FBN1: variants seen among roughly 807,000 people sequenced by gnomAD.
FBN1 encodes fibrillin 1.
A neutral mutation model predicts 365.1 loss-of-function variants in FBN1; 29 were observed. The observed-to-expected ratio is 0.08, with a 90% CI of 0.06 to 0.11. The LOEUF is 0.11. Among genes scored for constraint, FBN1 ranks in the 10% least tolerant of loss-of-function variants. FBN1 has a pLI of 1.00. For synonymous variants in FBN1, 1,210 were observed against 1,270.5 expected, an observed-to-expected ratio of 0.95 and a Z score of 1.01; for missense variants, 2,476 against 3,703.2, an observed-to-expected ratio of 0.67 and a Z score of 8.60.
intron 6 of FBN1, among the ~76,000 whole-genome samples, chr15:48,548,719 T>A (rs969835517): frequency 2.0e-5 from 3 of 152,234 alleles, no homozygotes; most frequent in African/African-American, 7.2e-5. Context: ...TAGAAAATAA[T>A]AAGAGACAGC....
intron 50 of FBN1, among the ~76,000 whole-genome samples, chr15:48,438,727 A>T (rs757252662): frequency 6.6e-6 from 1 of 152,216 alleles, no homozygotes; most frequent in Non-Finnish European, 1.5e-5. Context: ...GATGACTCCA[A>T]CAAAGAAGAT....
In FBN1 at chr15:48,505,110, A is replaced by G. The variant is rs25458; in HGVS notation, c.1875T>C (p.Asn625=). 0.17 allele frequency: 280,609 copies of G among 1,613,906 alleles called. 29,979 individuals are homozygous for G. The highest frequency in any genetic ancestry group is 0.46 in the African/African-American group (34,167 of 74,930). ...NECETPGICM[N]GRCVNTDGSY... ...AGCCATCAGTGTTGACGCAACGCCC[A>G]TTCATGCAGATCCCAGGGGTTTCAC... The change falls in exon 16 of 66, where the codon AAT becomes AAC. Residue 625 remains asparagine (N), a synonymous_variant. Transcript: ENST00000316623.
Position 48,468,537 on chromosome 15 carries a change from A to G in FBN1, c.4460-3T>C. 6.2e-7 allele frequency: 1 copy of G among 1,613,984 alleles called. No homozygotes were observed. The highest frequency in any genetic ancestry group is 1.1e-5 in the South Asian group (1 of 91,078). The stretch of plus-strand genomic sequence containing the variant: ...TGGATCCAGGCATTCATTCACATCT[A>G]AAACCGAACAGTGAGTAGTGGAGTT... On this transcript the variant is annotated splice_region_variant and splice_polypyrimidine_tract_variant and intron_variant, in intron 36 of 65. Transcript: ENST00000316623.
chr15:48,644,571 A>G (rs1890256470), intron 2 of FBN1, 35 bp downstream of exon 2: 1 of 1,613,554 alleles, frequency 6.2e-7, no homozygotes. Flanking sequence ...GAAACTTGGG[A>G]GACCCACACC....
chr15:48,624,447 C>A (rs1436909152), intron 2 of FBN1, among the ~76,000 whole-genome samples: 1 of 152,232 alleles, frequency 6.6e-6, no homozygotes, highest in East Asian at 1.9e-4. Flanking sequence ...CGTCACATGT[C>A]TGGTTGGTTG....
intron 6 of FBN1, among the ~76,000 whole-genome samples, chr15:48,558,409 C>A (rs2044198164): frequency 6.6e-6 from 1 of 152,042 alleles, no homozygotes; most frequent in African/African-American, 2.4e-5. Context: ...GATATAAAAC[C>A]CTTTCTAAAC....
rs766852785 is a variant in FBN1, at chr15:48,411,144, T to C, written c.8462A>G (p.Lys2821Arg). ...TAATGAATAGGTTCCAGCCACTGGC[T>C]TCTTCTTTGTGAAGTGGAGGTAGCT... ...GISYLHFTKK[K>R]PVAGTYSLQI... The change falls in exon 66 of 66, where the codon AAG becomes AGG. Residue 2821 changes from lysine (K) to arginine (R), a missense_variant. Physicochemically the swap from Lys to Arg is conservative, Grantham distance 26 (BLOSUM62 2). This residue lies in a region of FBN1 where 177 missense variants were observed against 192.7 expected (regional missense o/e 0.92). Transcript: ENST00000316623. The C allele has an allele frequency of 1.2e-6, 2 of 1,614,174 alleles. No homozygotes were observed. The highest frequency in any genetic ancestry group is 2.2e-5 in the South Asian group (2 of 91,074).
intron 2 of FBN1, among the ~76,000 whole-genome samples, chr15:48,635,675 T>C (rs551603082): frequency 6.6e-6 from 1 of 152,352 alleles, no homozygotes; most frequent in East Asian, 1.9e-4. Context: ...TTATTTCATG[T>C]ATAATCTTAA....
chr15:48,412,848 C>T (rs2042875278), intron 64 of FBN1, 105 bp from the exon 65 acceptor site: 4 of 1,354,128 alleles, frequency 3.0e-6, no homozygotes, highest in Non-Finnish European at 4.2e-6. Context: ...TGAGATACAG[C>T]CCTTGCTTGT....
chr15:48,612,962 C>T, intron 3 of FBN1, 48 bp downstream of exon 3: 1 of 1,404,386 alleles, frequency 7.1e-7, no homozygotes, highest in Non-Finnish European at 1.0e-6. Flanking sequence ...ATGCAACCAA[C>T]ACAACAAAAG....
Position 48,468,517 on chromosome 15 carries a change from C to T in FBN1, c.4477G>A (p.Asp1493Asn). Residue 1493 changes from aspartate to asparagine, a missense_variant, in exon 37 of 66, where the codon GAT becomes AAT. Physicochemically the swap from Asp to Asn is conservative, Grantham distance 23 (BLOSUM62 1). Around this residue, in one of 5 missense-constraint regions of FBN1, gnomAD observed 1,780 missense variants for 2,840.8 expected, o/e 0.63. Coordinates refer to ENST00000316623, the MANE Select transcript of FBN1 (RefSeq NM_000138.5). Reference protein sequence around the residue: ...GNCTDVNECLDPTTCISGNCV... With the variant: ...GNCTDVNECLNPTTCISGNCV... The stretch of plus-strand genomic sequence containing the variant: ...TTCCCACTGATGCACGTGGTTGGAT[C>T]CAGGCATTCATTCACATCTAAAACC... 6.2e-7 allele frequency: 1 copy of T among 1,614,046 alleles called. No individual in the cohort carries two copies. Among genetic ancestry groups the T allele is most frequent in the African/African-American group, 1.3e-5 (1 of 75,010 alleles).
chr15:48,478,031 T>C (rs1045887562), intron 32 of FBN1, among the ~76,000 whole-genome samples: 1 of 152,178 alleles, frequency 6.6e-6, no homozygotes, highest in Admixed American at 6.5e-5. Context: ...AGAGGCTGTA[T>C]CACCCACACA....
chr15:48,519,445 T>C (rs960810188), intron 10 of FBN1, among the ~76,000 whole-genome samples: 1 of 152,112 alleles, frequency 6.6e-6, no homozygotes, highest in Admixed American at 6.5e-5. Context: ...TGAATGAGAT[T>C]TCCTAATGAG....
At chr15:48,644,308 C>T (rs997585343) in intron 2 of FBN1, 2 of 457,106 alleles carry the variant, frequency 4.4e-6, no homozygotes, top group African/African-American at 2.0e-5. Context: ...CTCCTCTTAT[C>T]CCACTCGCAA....
chr15:48,422,354 A>G (rs1245030411), intron 60 of FBN1, among the ~76,000 whole-genome samples: 1 of 152,256 alleles, frequency 6.6e-6, no homozygotes, highest in African/African-American at 2.4e-5. Context: ...CAACAAAGGA[A>G]TTTCAAATAA....
rs369157930 is a variant in FBN1 at position 48,568,049 on chromosome 15, G to GAAAGAAAGAAGAAAGAAAGA, written c.538+28233_538+28234insTCTTTCTTTCTTCTTTCTTT. Among the ~76,000 whole-genome samples, 324 of 40,000 alleles carry GAAAGAAAGAAGAAAGAAAGA rather than the reference G, an allele frequency of 8.1e-3. 1 individual carries two copies. The highest frequency in any genetic ancestry group is 0.018 in the African/African-American group (132 of 7,260). The allele number at this position is 40,000 out of a possible 152,430, so 26.2% of individuals were successfully genotyped here. A position where few individuals can be genotyped will look rare whatever the true frequency, so the allele number is the denominator to read the frequency against. ...AGAAAGAAAGAAAGAAAGAAAGAAA[G>GAAAGAAAGAAGAAAGAAAGA]AAGAAAGAAAGAAAGAAAGAAAGAA... is the stretch of plus-strand genomic sequence containing the variant. On this transcript the variant is annotated intron_variant, in intron 6 of 65. Coordinates refer to ENST00000316623, the MANE Select transcript of FBN1 (RefSeq NM_000138.5).
chr15:48,582,305 G>A (rs780871243), intron 6 of FBN1, among the ~76,000 whole-genome samples: 25 of 152,180 alleles, frequency 1.6e-4, no homozygotes, highest in Non-Finnish European at 3.1e-4. Flanking sequence ...AGTCTCTCCC[G>A]TGTGGAGTAT....
At position 48,428,557 on chromosome 15, in the gene FBN1, T is replaced by C. The variant is rs1318726443; in HGVS notation, c.6872-86A>G. The C allele has an allele frequency of 2.7e-6, 4 of 1,471,726 alleles. No homozygotes were observed. In the Admixed American group the frequency reaches 6.7e-5, roughly 25 times the overall value. The allele number at this position is 1,471,726 out of a possible 1,614,324, so 91.2% of individuals were successfully genotyped here. On this transcript the variant is annotated intron_variant, in intron 56 of 65. Coordinates refer to ENST00000316623, the MANE Select transcript of FBN1 (RefSeq NM_000138.5). Reference sequence around the variant, plus strand: ...TGGAGCTCCTTCCTTCGTTCCTTCCTTCCTCCCTCCCTCCTTCCCTCCCTT... The same window carrying C: ...TGGAGCTCCTTCCTTCGTTCCTTCCCTCCTCCCTCCCTCCTTCCCTCCCTT...
intron 8 of FBN1, among the ~76,000 whole-genome samples, chr15:48,532,615 A>C (rs2043983588): frequency 1.3e-5 from 2 of 152,012 alleles, no homozygotes; most frequent in South Asian, 4.1e-4. Flanking sequence ...GTGTGAGTTA[A>C]AGAGGTAAAT....
Sources: gnomAD v4.1 joint callset for allele counts (sites outside exome capture counted in the v4.1 genomes callset) on GRCh38, gnomAD v4.1.1 for gene constraint, gnomAD v4.1.1 regional missense constraint, MANE v1.5 for transcripts, NCBI Gene and HGNC (gene_info 2026-07-23, HGNC 2026-07-21) for gene names.